CAMKMT: variants seen among roughly 807,000 people sequenced by gnomAD.
CAMKMT encodes calmodulin-lysine N-methyltransferase, also known as CaM KMT.
CAMKMT carries 53 observed loss-of-function variants against 48.0 expected under a neutral mutation model. That is an observed-to-expected ratio of 1.10 (90% CI 0.89 to 1.39). The LOEUF (loss-of-function observed/expected upper bound fraction) is 1.39, where lower values mean the gene tolerates loss of function less well. Ranked by LOEUF, CAMKMT falls within the 40% of genes most tolerant of loss-of-function variation. The pLI, the probability that CAMKMT is intolerant of heterozygous loss-of-function variation, is 0.00. For missense variants in CAMKMT, 428 were observed against 402.7 expected (o/e 1.06, Z -0.54); for synonymous variants, 165 against 152.3 (o/e 1.08, Z -0.61).
At chr2:44,511,183 C>T (rs1180312956) in intron 3 of CAMKMT, among the ~76,000 whole-genome samples, 3 of 152,116 alleles carry the variant, frequency 2.0e-5, no homozygotes, top group African/African-American at 7.2e-5. Context: ...TAGCTTAGCT[C>T]CCACTTTTAA....
chr2:44,676,625 C>T (rs1004367178), intron 3 of CAMKMT: 3 of 152,256 alleles, frequency 2.0e-5, no homozygotes, highest in African/African-American at 7.2e-5. Context: ...CAGAAGGGGT[C>T]CTACAGTCTG....
At chr2:44,629,225 G>A (rs578122195) in intron 3 of CAMKMT, among the ~76,000 whole-genome samples, 4 of 151,972 alleles carry the variant, frequency 2.6e-5, no homozygotes, top group Admixed American at 2.6e-4. Flanking sequence ...ATTTATGATT[G>A]TTATGTTGTC....
rs142486446 is a variant in CAMKMT, at chr2:44,602,668, C to T, written c.377-101615C>T. Among the ~76,000 whole-genome samples, 535 of 152,090 alleles carry T rather than the reference C, an allele frequency of 3.5e-3. 3 individuals carry two copies. Among genetic ancestry groups the T allele is most frequent in the African/African-American group, 0.012 (509 of 41,400 alleles). Reference sequence around the variant, plus strand: ...GCGGAAAGTGAAGGGGAAGCAAGCACGTCTTACTACGGCAGAGCTGGAGAG... The same window carrying T: ...GCGGAAAGTGAAGGGGAAGCAAGCATGTCTTACTACGGCAGAGCTGGAGAG... On this transcript the variant is annotated intron_variant, in intron 3 of 10. Transcript: ENST00000378494.
intron 3 of CAMKMT, among the ~76,000 whole-genome samples, chr2:44,462,708 A>G (rs1667909783): frequency 6.6e-6 from 1 of 152,114 alleles, no homozygotes; most frequent in Non-Finnish European, 1.5e-5. Flanking sequence ...TTGCTTAGGG[A>G]GTATCTGTGT....
intron 3 of CAMKMT, among the ~76,000 whole-genome samples, chr2:44,417,256 G>A (rs977680059): frequency 1.2e-4 from 19 of 152,038 alleles, no homozygotes; most frequent in African/African-American, 2.4e-4. Context: ...TTAGCTGGGC[G>A]TGGTAGTGCA....
intron 3 of CAMKMT, chr2:44,394,821 G>A (rs989797952): frequency 8.8e-6 from 4 of 453,692 alleles, no homozygotes; most frequent in African/African-American, 8.0e-5. Flanking sequence ...ATCTAAAACT[G>A]ATCTCTTTTG....
At chr2:44,765,254 T>C (rs933175137) in intron 9 of CAMKMT, among the ~76,000 whole-genome samples, 2 of 151,954 alleles carry the variant, frequency 1.3e-5, no homozygotes, top group African/African-American at 4.8e-5. Flanking sequence ...AAGGAGATGA[T>C]GTTTATATGA....
chr2:44,530,549 A>G lies in CAMKMT; in HGVS notation c.376+140244A>G, dbSNP rs543162976. 2.6e-5 allele frequency among the ~76,000 whole-genome samples: 4 copies of G among 152,306 alleles called. No individual in the cohort carries two copies. The East Asian group carries it at 7.7e-4, about 29-fold the overall frequency. On this transcript the variant is annotated intron_variant, in intron 3 of 10. Coordinates refer to ENST00000378494, the MANE Select transcript of CAMKMT (RefSeq NM_024766.5). ...GTTTGCTGTGAATGATCCTAACAGC[A>G]CTGTACTTTGTCAATGTTCAGTCAA...
At chr2:44,751,973 G>A (rs1020318458) in intron 8 of CAMKMT, among the ~76,000 whole-genome samples, 1 of 152,076 alleles carries the variant, frequency 6.6e-6, no homozygotes, top group African/African-American at 2.4e-5. Flanking sequence ...TTACCACGGG[G>A]AGTTCACCAA....
chr2:44,434,760 T>G lies in CAMKMT; in HGVS notation c.376+44455T>G, dbSNP rs372709320. Among the ~76,000 whole-genome samples, 158 of 152,328 alleles carry G rather than the reference T, an allele frequency of 1.0e-3. 4 individuals are homozygous for G. In the South Asian group the frequency reaches 0.024, roughly 23 times the overall value. On this transcript the variant is annotated intron_variant, in intron 3 of 10. Coordinates refer to ENST00000378494, the MANE Select transcript of CAMKMT (RefSeq NM_024766.5). ...TTAGGGATTGGTGAAATTCAGCTAT[T>G]TTGTGAAAGCTCTCCTCCCATTTTT...
In CAMKMT at chr2:44,618,242, T is replaced by G. The variant is rs879470112; in HGVS notation, c.377-86041T>G. ...CAGATTATTGAGTGACAAACTTTAT[T>G]GAATTTGACTTAACAGAAGTCAGAA... is the stretch of plus-strand genomic sequence containing the variant. On this transcript the variant is annotated intron_variant, in intron 3 of 10. Transcript: ENST00000378494. This position sits in a 1 kb window ranked among gnomAD's most constrained non-coding sequence, Gnocchi z 4.0. 1.3e-5 allele frequency among the ~76,000 whole-genome samples: 2 copies of G among 152,182 alleles called. No individual in the cohort carries two copies. Among genetic ancestry groups the G allele is most frequent in the Non-Finnish European group, 2.9e-5 (2 of 68,040 alleles).
chr2:44,640,344 G>T (rs867269258), intron 3 of CAMKMT, among the ~76,000 whole-genome samples: 6 of 152,134 alleles, frequency 3.9e-5, no homozygotes, highest in Non-Finnish European at 8.8e-5. Context: ...TTGAAAGGTC[G>T]CATTTTGAGT....
At chr2:44,377,692 G>T (rs113853327) in intron 2 of CAMKMT, among the ~76,000 whole-genome samples, 2,474 of 152,192 alleles carry the variant, frequency 0.016, 32 homozygotes, top group South Asian at 0.035. Flanking sequence ...TGTTACTATG[G>T]TAATTGCTGA....
intron 3 of CAMKMT, among the ~76,000 whole-genome samples, chr2:44,496,146 C>T (rs1168088023): frequency 2.6e-5 from 4 of 152,214 alleles, no homozygotes; most frequent in African/African-American, 7.2e-5. Flanking sequence ...CAATTTTACA[C>T]TGTCCTTTAT....
chr2:44,573,740 G>A (rs1366439339), intron 3 of CAMKMT, among the ~76,000 whole-genome samples: 1 of 152,042 alleles, frequency 6.6e-6, no homozygotes, highest in East Asian at 1.9e-4. Context: ...TTAGTTTTGT[G>A]TATGATGTGA....
intron 3 of CAMKMT, among the ~76,000 whole-genome samples, chr2:44,613,630 C>T (rs1409036802): frequency 1.3e-5 from 2 of 152,192 alleles, no homozygotes; most frequent in African/African-American, 4.8e-5. Flanking sequence ...AATAATTATA[C>T]CAACGGCTGA....
intron 1 of CAMKMT, 87 bp from the exon 2 acceptor site, chr2:44,372,629 C>G (rs1445694126): frequency 8.4e-7 from 1 of 1,185,304 alleles, no homozygotes; most frequent in Non-Finnish European, 1.2e-6. Context: ...GGAAAGTCCC[C>G]TTACCACTTA....
chr2:44,511,960 T>C (rs1031351228), intron 3 of CAMKMT, among the ~76,000 whole-genome samples: 3 of 152,226 alleles, frequency 2.0e-5, no homozygotes, highest in African/African-American at 7.2e-5. Context: ...GTCCCTCTTG[T>C]AGCTCCTTGT....
At chr2:44,597,903 A>ATTTTTTTTTTT (rs1670760094) in intron 3 of CAMKMT, among the ~76,000 whole-genome samples, 1 of 151,898 alleles carries the variant, frequency 6.6e-6, no homozygotes. Flanking sequence ...CCCTGGGCTA[A>ATTTTTTTTTTT]TTTTTGTGTT....
Sources: allele counts gnomAD v4.1 joint callset (sites outside exome capture counted in the v4.1 genomes callset), GRCh38; gene constraint gnomAD v4.1.1; non-coding constraint Gnocchi (gnomAD v3.1); transcripts MANE v1.5; gene names NCBI Gene and HGNC (gene_info 2026-07-23, HGNC 2026-07-21).